The following PRKAR2B variants were observed in gnomAD, a reference collection of about 807,000 sequenced individuals.
PRKAR2B encodes protein kinase cAMP-dependent type II regulatory subunit beta.
A neutral mutation model predicts 49.9 loss-of-function variants in PRKAR2B; 14 were observed. The observed-to-expected ratio is 0.28, with a 90% CI of 0.19 to 0.44. PRKAR2B has a LOEUF of 0.44. Among genes scored for constraint, PRKAR2B ranks in the 20% least tolerant of loss-of-function variants. The probability of loss-of-function intolerance (pLI) is 1.00; values close to 1 mark genes in which losing one functional copy is unlikely to be tolerated. For missense variants in PRKAR2B, 393 were observed against 537.9 expected, an observed-to-expected ratio of 0.73 and a Z score of 2.67; for synonymous variants, 196 against 197.7, an observed-to-expected ratio of 0.99 and a Z score of 0.07.
chr7:107,102,220 T>A (rs1794983855), intron 2 of PRKAR2B, among the ~76,000 whole-genome samples: 1 of 151,944 alleles, frequency 6.6e-6, no homozygotes, highest in African/African-American at 2.4e-5. Context: ...AAGAAAAAAA[T>A]AACAGCTAGA....
intron 5 of PRKAR2B, among the ~76,000 whole-genome samples, chr7:107,142,883 C>CTG (rs138837000): frequency 0.014 from 2,157 of 152,240 alleles, 24 homozygotes; most frequent in Middle Eastern, 0.024. Context: ...CTGCCTCAGC[C>CTG]TGCGGAGTAG....
rs1385091368 is a variant in PRKAR2B, at chr7:107,161,689, CAT to C, written c.*2108_*2109del. ...GTTTTTAAAATTATTAGCTATTCAT[CAT>C]GTGTGGGAGAAATAATTGTGGTGTG... On this transcript the variant is annotated 3_prime_UTR_variant, in exon 11 of 11. Coordinates refer to ENST00000265717, the MANE Select transcript of PRKAR2B (RefSeq NM_002736.3). The C allele has an allele frequency of 6.6e-6, 1 of 152,156 alleles. No homozygotes were observed. The highest frequency in any genetic ancestry group is 1.5e-5 in the Non-Finnish European group (1 of 68,020). 9.4% of individuals were successfully genotyped at this position (152,156 alleles called of 1,614,324 possible).
chr7:107,151,028 G>GCA lies in PRKAR2B; in HGVS notation c.843+5_843+6insCA. ...CCATTCCTTAAATCTTTGGAGGTAA[G>GCA]TATATGTTTATGCTTTTATTTTATT... is the stretch of plus-strand genomic sequence containing the variant. On this transcript the variant is annotated splice_donor_region_variant and intron_variant, in intron 7 of 10. Transcript: ENST00000265717. 6.7e-7 allele frequency: 1 copy of GCA among 1,493,884 alleles called. No individual in the cohort carries two copies. Among genetic ancestry groups the GCA allele is most frequent in the African/African-American group, 1.4e-5 (1 of 69,282 alleles). The allele number at this position is 1,493,884 out of a possible 1,614,324, so 92.5% of individuals were successfully genotyped here.
intron 2 of PRKAR2B, among the ~76,000 whole-genome samples, chr7:107,119,125 T>G (rs1349303358): frequency 6.6e-6 from 1 of 152,212 alleles, no homozygotes; most frequent in Non-Finnish European, 1.5e-5. Flanking sequence ...AATTAGGACT[T>G]AGGGGCTAGG....
At chr7:107,050,316 G>A (rs1441233155) in intron 1 of PRKAR2B, among the ~76,000 whole-genome samples, 1 of 120,626 alleles carries the variant, frequency 8.3e-6, no homozygotes, top group Non-Finnish European at 1.7e-5. Context: ...TATTATTTTA[G>A]ATAAGACAGT....
chr7:107,140,266 A>T (rs1378230991), intron 4 of PRKAR2B, among the ~76,000 whole-genome samples: 1 of 152,230 alleles, frequency 6.6e-6, no homozygotes, highest in Non-Finnish European at 1.5e-5. Context: ...AGCTCAGTGG[A>T]TGCAGCTTGA....
chr7:107,159,626 T>C lies in PRKAR2B; in HGVS notation c.*44T>C. 6.3e-7 allele frequency: 1 copy of C among 1,597,272 alleles called. No homozygotes were observed. The highest frequency in any genetic ancestry group is 8.6e-7 in the Non-Finnish European group (1 of 1,167,642). ...GACCTGTAGTGACAAAATTACACAG[T>C]AGTGGTTAGTCCACTGAGAATGTGT... is the stretch of plus-strand genomic sequence containing the variant. On this transcript the variant is annotated 3_prime_UTR_variant, in exon 11 of 11. Coordinates refer to ENST00000265717, the MANE Select transcript of PRKAR2B (RefSeq NM_002736.3).
intron 4 of PRKAR2B, among the ~76,000 whole-genome samples, chr7:107,139,016 A>G (rs1795747739): frequency 3.9e-5 from 6 of 152,088 alleles, no homozygotes; most frequent in Admixed American, 3.9e-4. Flanking sequence ...AATGACAATC[A>G]TATTTTTAAT....
At chr7:107,146,801 G>A (rs1795902649) in intron 6 of PRKAR2B, among the ~76,000 whole-genome samples, 1 of 152,160 alleles carries the variant, frequency 6.6e-6, no homozygotes, top group Non-Finnish European at 1.5e-5. Flanking sequence ...TCTGAGGTAA[G>A]TATTATAATC....
chr7:107,097,051 T>G (rs1794853132), intron 2 of PRKAR2B, among the ~76,000 whole-genome samples: 3 of 152,184 alleles, frequency 2.0e-5, no homozygotes, highest in Non-Finnish European at 4.4e-5. Context: ...CTGAGTTCAA[T>G]TCCTGGATAT....
intron 1 of PRKAR2B, among the ~76,000 whole-genome samples, chr7:107,065,665 A>G (rs760379026): frequency 3.3e-5 from 5 of 152,222 alleles, no homozygotes; most frequent in African/African-American, 9.6e-5. Context: ...AGTGCCCAGC[A>G]TCCACACTCA....
intron 2 of PRKAR2B, chr7:107,078,201 CAAAAAAAAAAA>C (rs66861003): frequency 8.5e-6 from 1 of 116,992 alleles, no homozygotes; most frequent in Non-Finnish European, 1.7e-5. Flanking sequence ...GATACTCCAT[CAAAAAAAAAAA>C]AAAAAGAAAA....
intron 3 of PRKAR2B, among the ~76,000 whole-genome samples, chr7:107,124,421 A>G (rs1795446715): frequency 6.6e-6 from 1 of 152,202 alleles, no homozygotes; most frequent in South Asian, 2.1e-4. Flanking sequence ...AGAAGCAGAC[A>G]AGTGAATAAA....
chr7:107,053,230 T>C (rs1343623170), intron 1 of PRKAR2B, among the ~76,000 whole-genome samples: 2 of 152,322 alleles, frequency 1.3e-5, no homozygotes, highest in East Asian at 1.9e-4. Context: ...TATATTTGAG[T>C]GTACACCCCA....
intron 4 of PRKAR2B, among the ~76,000 whole-genome samples, chr7:107,137,620 C>CA (rs1277036932): frequency 6.6e-6 from 1 of 152,114 alleles, no homozygotes; most frequent in Admixed American, 6.5e-5. Flanking sequence ...TAAATTTTGA[C>CA]AAATGGCTTT....
At chr7:107,146,611 A>G in intron 6 of PRKAR2B, 150 bp downstream of exon 6, 2 of 849,058 alleles carry the variant, frequency 2.4e-6, no homozygotes, top group South Asian at 3.8e-5. Context: ...ACTGTAGGGC[A>G]CTAAGACTTC....
chr7:107,067,783 T>A (rs910405401), intron 1 of PRKAR2B, among the ~76,000 whole-genome samples: 1 of 152,234 alleles, frequency 6.6e-6, no homozygotes, highest in Non-Finnish European at 1.5e-5. Context: ...GAACATCTAT[T>A]AGTAAAATTC....
intron 8 of PRKAR2B, among the ~76,000 whole-genome samples, chr7:107,156,628 A>C (rs573089138): frequency 1.3e-5 from 2 of 151,510 alleles, no homozygotes; most frequent in Non-Finnish European, 2.9e-5. Context: ...ACACGTTGAA[A>C]CCCCGTCTCT....
At chr7:107,053,240 A>G (rs2116749852) in intron 1 of PRKAR2B, among the ~76,000 whole-genome samples, 1 of 152,308 alleles carries the variant, frequency 6.6e-6, no homozygotes, top group South Asian at 2.1e-4. Context: ...TGTACACCCC[A>G]ATATATGTTG....
Sources: gnomAD v4.1 joint callset for allele counts (sites outside exome capture counted in the v4.1 genomes callset) on GRCh38, gnomAD v4.1.1 for gene constraint, MANE v1.5 for transcripts, NCBI Gene and HGNC (gene_info 2026-07-23, HGNC 2026-07-21) for gene names.